ST6GALNAC3: variants seen among roughly 807,000 people sequenced by gnomAD.
ST6GALNAC3 encodes the protein alpha-N-acetylgalactosaminide alpha-2,6-sialyltransferase 3.
Under a neutral mutation model 32.7 loss-of-function variants are expected in ST6GALNAC3, and 25 were observed. The ratio of observed to expected loss-of-function variants is 0.76; its 90% CI spans 0.56 to 1.07. The LOEUF is 1.07. Ranked by LOEUF, ST6GALNAC3 falls within the 50% of genes least tolerant of loss-of-function variation. ST6GALNAC3 has a pLI of 0.00. For synonymous variants in ST6GALNAC3, 129 were observed against 133.1 expected (o/e 0.97, Z 0.21); for missense variants, 355 against 382.4 (o/e 0.93, Z 0.60).
At chr1:76,112,836 C>G (rs572833347) in intron 1 of ST6GALNAC3, among the ~76,000 whole-genome samples, 1 of 151,570 alleles carries the variant, frequency 6.6e-6, no homozygotes, top group Non-Finnish European at 1.5e-5. Context: ...GGGGCAGAGA[C>G]GCTCCTCACT....
chr1:76,332,251 T>C (rs1647201416), intron 2 of ST6GALNAC3, among the ~76,000 whole-genome samples: 1 of 152,190 alleles, frequency 6.6e-6, no homozygotes, highest in African/African-American at 2.4e-5. Flanking sequence ...GGGGGTTTCA[T>C]CACTAATCTG....
chr1:76,140,661 G>C (rs892485728), intron 1 of ST6GALNAC3, among the ~76,000 whole-genome samples: 1 of 131,350 alleles, frequency 7.6e-6, no homozygotes, highest in Non-Finnish European at 1.6e-5. Flanking sequence ...TTCTCTCTCT[G>C]TTTTCCAAGC....
chr1:76,347,845 T>C (rs1286367960), intron 2 of ST6GALNAC3, among the ~76,000 whole-genome samples: 3 of 152,124 alleles, frequency 2.0e-5, no homozygotes. Flanking sequence ...TCAGAGAATA[T>C]TTTGAGGAGT....
intron 1 of ST6GALNAC3, among the ~76,000 whole-genome samples, chr1:76,189,177 C>T (rs540202570): frequency 4.6e-5 from 7 of 152,308 alleles, no homozygotes; most frequent in African/African-American, 9.6e-5. Context: ...CCTGGCCCTG[C>T]AGGGCTGTAT....
chr1:76,323,766 C>G (rs1647014746), intron 2 of ST6GALNAC3, among the ~76,000 whole-genome samples: 1 of 152,076 alleles, frequency 6.6e-6, no homozygotes, highest in Non-Finnish European at 1.5e-5. Context: ...AAAATATTAA[C>G]TGTGATGGTC....
At chr1:76,331,983 G>A (rs892434388) in intron 2 of ST6GALNAC3, among the ~76,000 whole-genome samples, 1 of 152,266 alleles carries the variant, frequency 6.6e-6, no homozygotes, top group Non-Finnish European at 1.5e-5. Flanking sequence ...TGGAACACAA[G>A]GATTTCAGTT....
chr1:76,627,022 A>G (rs1388105156), intron 3 of ST6GALNAC3, among the ~76,000 whole-genome samples: 2 of 152,000 alleles, frequency 1.3e-5, no homozygotes, highest in African/African-American at 2.4e-5. Flanking sequence ...TCAAGAAAGT[A>G]GTAATATGTC....
intron 1 of ST6GALNAC3, among the ~76,000 whole-genome samples, chr1:76,262,235 A>G (rs975146974): frequency 6.6e-6 from 1 of 152,194 alleles, no homozygotes; most frequent in Non-Finnish European, 1.5e-5. Flanking sequence ...TCCATATTCT[A>G]TTTGGGGAAA....
intron 3 of ST6GALNAC3, among the ~76,000 whole-genome samples, chr1:76,558,575 A>G (rs1474975351): frequency 6.6e-6 from 1 of 152,070 alleles, no homozygotes; most frequent in Non-Finnish European, 1.5e-5. Context: ...ATCAATAGAC[A>G]CTGGGCACTG....
At chr1:76,502,610 T>C (rs1004482788) in intron 3 of ST6GALNAC3, among the ~76,000 whole-genome samples, 42 of 152,310 alleles carry the variant, frequency 2.8e-4, no homozygotes, top group African/African-American at 9.1e-4. Context: ...AGCAGTCAGA[T>C]TGGATTAAGG....
In ST6GALNAC3 at chr1:76,444,746, G is replaced by A. The variant is rs532363599; in HGVS notation, c.623+32329G>A. Among the ~76,000 whole-genome samples the A allele has an allele frequency of 1.7e-4, 26 of 152,236 alleles. No homozygotes were observed. The East Asian group carries it at 3.7e-3, about 22-fold the overall frequency. On this transcript the variant is annotated intron_variant, in intron 3 of 4. Coordinates refer to ENST00000328299, the MANE Select transcript of ST6GALNAC3 (RefSeq NM_152996.4). Reference sequence around the variant, plus strand: ...GGAACAGCTTCTAACAGTGAGAAGAGTAACATTAAGGAACCCTCTCTGCTC... The same window carrying A: ...GGAACAGCTTCTAACAGTGAGAAGAATAACATTAAGGAACCCTCTCTGCTC...
intron 2 of ST6GALNAC3, among the ~76,000 whole-genome samples, chr1:76,357,644 A>G (rs1649592545): frequency 6.6e-6 from 1 of 152,066 alleles, no homozygotes; most frequent in Non-Finnish European, 1.5e-5. Flanking sequence ...CTGGTATTAT[A>G]TTTACTATAT....
intron 1 of ST6GALNAC3, among the ~76,000 whole-genome samples, chr1:76,211,265 T>A (rs918065711): frequency 1.1e-4 from 16 of 152,244 alleles, no homozygotes; most frequent in Non-Finnish European, 2.4e-4. Context: ...AGAATGGCAA[T>A]CATTAAAAAG....
chr1:76,455,265 C>G (rs965981221), intron 3 of ST6GALNAC3, among the ~76,000 whole-genome samples: 4 of 150,558 alleles, frequency 2.7e-5, no homozygotes, highest in South Asian at 2.1e-4. Context: ...TCCTTGTTTT[C>G]TGTTTCTTTT....
At chr1:76,178,761 G>A (rs1684945) in intron 1 of ST6GALNAC3, among the ~76,000 whole-genome samples, 108,654 of 152,074 alleles carry the variant, frequency 0.71, 40,657 homozygotes, top group East Asian at 0.94. Context: ...ACTGTCAGTC[G>A]GTTCAGAGCA....
At chr1:76,197,371 G>A (rs1360735899) in intron 1 of ST6GALNAC3, among the ~76,000 whole-genome samples, 1 of 152,132 alleles carries the variant, frequency 6.6e-6, no homozygotes, top group East Asian at 1.9e-4. Flanking sequence ...CATGGACTCT[G>A]ATTGTCAGTC....
downstream of ST6GALNAC3, among the ~76,000 whole-genome samples, chr1:76,635,960 T>G (rs1208474163): frequency 6.6e-6 from 1 of 152,190 alleles, no homozygotes; most frequent in African/African-American, 2.4e-5. Context: ...TAGCTCTTTC[T>G]GCCCTGATAT....
intron 1 of ST6GALNAC3, among the ~76,000 whole-genome samples, chr1:76,144,022 A>G (rs533352611): frequency 2.0e-4 from 30 of 152,350 alleles, no homozygotes; most frequent in Non-Finnish European, 4.0e-4. Context: ...TGAGCAGTAC[A>G]TAAGTGGATC....
chr1:76,188,833 A>G (rs1238872962), intron 1 of ST6GALNAC3, among the ~76,000 whole-genome samples: 1 of 152,218 alleles, frequency 6.6e-6, no homozygotes, highest in East Asian at 1.9e-4. Flanking sequence ...AGAAGAGGAC[A>G]ATTGGTCTTG....
Sources: allele counts gnomAD v4.1 joint callset (sites outside exome capture counted in the v4.1 genomes callset), GRCh38; gene constraint gnomAD v4.1.1; transcripts MANE v1.5; gene names NCBI Gene and HGNC (gene_info 2026-07-23, HGNC 2026-07-21).